Variants in ULK4 observed in about 807,000 individuals in gnomAD.
ULK4 encodes inactive serine/threonine-protein kinase ULK4.
Under a neutral mutation model 160.6 loss-of-function variants are expected in ULK4, and 133 were observed. The observed-to-expected ratio is 0.83, with a 90% CI of 0.72 to 0.96. ULK4 has a LOEUF of 0.96. ULK4 is among the 40% of genes least tolerant of loss of function. The probability of loss-of-function intolerance (pLI) is 0.00; values close to 1 mark genes in which losing one functional copy is unlikely to be tolerated. For missense variants in ULK4, 1,580 were observed against 1,499.5 expected (o/e 1.05, Z -0.89); for synonymous variants, 534 against 539.8 (o/e 0.99, Z 0.15).
chr3:41,334,367 C>A (rs2080508846), intron 35 of ULK4, among the ~76,000 whole-genome samples: 1 of 152,024 alleles, frequency 6.6e-6, no homozygotes, highest in South Asian at 2.1e-4. Flanking sequence ...TGAGGGGATC[C>A]CAAGCCTCTG....
At position 41,668,191 on chromosome 3, in the gene ULK4, T is replaced by A. The variant is rs529969334; in HGVS notation, c.2979-4492A>T. On this transcript the variant is annotated intron_variant, in intron 29 of 36. Coordinates refer to ENST00000301831, the MANE Select transcript of ULK4 (RefSeq NM_017886.4). Reference sequence around the variant, plus strand: ...ATCTCAACAGAGTGTGCTCTGAGAATTTGAAGGAGTGATTCCAGAATAATC... The same window carrying A: ...ATCTCAACAGAGTGTGCTCTGAGAAATTGAAGGAGTGATTCCAGAATAATC... Among the ~76,000 whole-genome samples, 3 of 152,244 alleles carry A rather than the reference T, an allele frequency of 2.0e-5. No individual in the cohort carries two copies. The South Asian group carries it at 6.2e-4, about 32-fold the overall frequency.
intron 32 of ULK4, among the ~76,000 whole-genome samples, chr3:41,534,389 T>C (rs1316920087): frequency 1.3e-5 from 2 of 152,168 alleles, no homozygotes; most frequent in African/African-American, 2.4e-5. Context: ...TGAAAGGTCA[T>C]TGCACAGGGA....
intron 21 of ULK4, among the ~76,000 whole-genome samples, chr3:41,782,947 A>C (rs2039897864): frequency 6.6e-6 from 1 of 152,108 alleles, no homozygotes; most frequent in Admixed American, 6.6e-5. Context: ...AAATTGACTT[A>C]AACACACATT....
chr3:41,646,023 T>C (rs1250001604), intron 30 of ULK4, among the ~76,000 whole-genome samples: 1 of 150,636 alleles, frequency 6.6e-6, no homozygotes, highest in East Asian at 1.9e-4. Flanking sequence ...ACCCCTGCCT[T>C]TTTTTGTTTT....
chr3:41,834,204 C>T (rs947080372), intron 18 of ULK4, among the ~76,000 whole-genome samples: 19 of 151,692 alleles, frequency 1.3e-4, no homozygotes, highest in Admixed American at 2.6e-4. Flanking sequence ...TACAAAATTA[C>T]CTGAGAATAA....
chr3:41,524,815 G>A (rs1441320006), intron 32 of ULK4, among the ~76,000 whole-genome samples: 4 of 152,114 alleles, frequency 2.6e-5, no homozygotes, highest in Non-Finnish European at 5.9e-5. Flanking sequence ...ACACGTGCCT[G>A]TAGTCCAAGC....
rs568624500 is a variant in ULK4, at chr3:41,719,414, T to A, written c.2322-1553A>T. On this transcript the variant is annotated intron_variant, in intron 22 of 36. Transcript: ENST00000301831. Reference sequence around the variant, plus strand: ...AATATATTCAACTGTTGACTTGACATCTGATTTTATCTGTCTTAAAGAGGT... The same window carrying A: ...AATATATTCAACTGTTGACTTGACAACTGATTTTATCTGTCTTAAAGAGGT... Among the ~76,000 whole-genome samples, 365 of 152,340 alleles carry A rather than the reference T, an allele frequency of 2.4e-3. 3 individuals carry two copies. Among genetic ancestry groups the A allele is most frequent in the African/African-American group, 8.4e-3 (350 of 41,572 alleles).
intron 15 of ULK4, among the ~76,000 whole-genome samples, chr3:41,896,079 G>A (rs1698139845): frequency 6.6e-6 from 1 of 152,034 alleles, no homozygotes. Context: ...ATTCCCAGGG[G>A]AAGAGGAAAA....
At chr3:41,249,816 G>A (rs2125666522) in intron 35 of ULK4, among the ~76,000 whole-genome samples, 1 of 152,338 alleles carries the variant, frequency 6.6e-6, no homozygotes, top group East Asian at 1.9e-4. Flanking sequence ...GTCTGCTGGG[G>A]CAGAAGACGG....
intron 32 of ULK4, among the ~76,000 whole-genome samples, chr3:41,503,722 G>A (rs2085286590): frequency 1.3e-5 from 2 of 151,952 alleles, no homozygotes; most frequent in African/African-American, 4.8e-5. Flanking sequence ...GTATGTTTTT[G>A]TCTTTTAAAA....
intron 25 of ULK4, 82 bp downstream of exon 25, chr3:41,715,155 A>C: frequency 7.3e-7 from 1 of 1,365,666 alleles, no homozygotes; most frequent in Non-Finnish European, 1.0e-6. Flanking sequence ...TTTTTAAATT[A>C]CCTCATTCTG....
At chr3:41,644,949 C>A (rs574197278) in intron 30 of ULK4, among the ~76,000 whole-genome samples, 1 of 152,132 alleles carries the variant, frequency 6.6e-6, no homozygotes, top group African/African-American at 2.4e-5. Context: ...GGAATTTATC[C>A]ATTTCTTCTA....
chr3:41,303,091 C>A (rs10461009), intron 35 of ULK4, among the ~76,000 whole-genome samples: 26,801 of 152,098 alleles, frequency 0.18, 2,995 homozygotes, highest in African/African-American at 0.32. Context: ...AAATGAGCAA[C>A]TGTTATAACT....
At chr3:41,473,167 C>G (rs1346673366) in intron 32 of ULK4, among the ~76,000 whole-genome samples, 1 of 152,104 alleles carries the variant, frequency 6.6e-6, no homozygotes, top group African/African-American at 2.4e-5. Flanking sequence ...ACATTTTCCT[C>G]TAAGATCCAG....
intron 12 of ULK4, among the ~76,000 whole-genome samples, chr3:41,904,313 C>T (rs1386503650): frequency 6.6e-6 from 1 of 151,966 alleles, no homozygotes; most frequent in African/African-American, 2.4e-5. Flanking sequence ...CTTGTAGTCA[C>T]AGTTACTCAG....
intron 21 of ULK4, among the ~76,000 whole-genome samples, chr3:41,772,119 G>C (rs1314319807): frequency 1.3e-5 from 2 of 152,046 alleles, no homozygotes; most frequent in Non-Finnish European, 1.5e-5. Flanking sequence ...AGAGAAAACA[G>C]GAAAGATCTA....
intron 35 of ULK4, among the ~76,000 whole-genome samples, chr3:41,281,932 T>C (rs1435183305): frequency 6.6e-6 from 1 of 152,214 alleles, no homozygotes; most frequent in Non-Finnish European, 1.5e-5. Flanking sequence ...CTCCTTAAGC[T>C]GATAAGCAAC....
At chr3:41,647,619 C>A (rs2034562997) in intron 30 of ULK4, among the ~76,000 whole-genome samples, 1 of 152,208 alleles carries the variant, frequency 6.6e-6, no homozygotes, top group Admixed American at 6.5e-5. Context: ...GGGTGCCTCC[C>A]AGTTAGGCTG....
At chr3:41,344,143 A>G (rs938737233) in intron 35 of ULK4, among the ~76,000 whole-genome samples, 1 of 152,192 alleles carries the variant, frequency 6.6e-6, no homozygotes, top group Non-Finnish European at 1.5e-5. Context: ...AACCAATGGA[A>G]CAGAATAGAG....
Sources: gnomAD v4.1 joint callset for allele counts (sites outside exome capture counted in the v4.1 genomes callset) on GRCh38, gnomAD v4.1.1 for gene constraint, MANE v1.5 for transcripts, NCBI Gene and HGNC (gene_info 2026-07-23, HGNC 2026-07-21) for gene names.